ETFDH: variants seen among roughly 807,000 people sequenced by gnomAD.
The protein encoded by ETFDH is electron transfer flavoprotein-ubiquinone oxidoreductase, mitochondrial.
ETFDH carries 61 observed loss-of-function variants against 73.2 expected under a neutral mutation model. The observed-to-expected ratio is 0.83, with a 90% CI of 0.68 to 1.03. ETFDH has a LOEUF of 1.03. Among genes scored for constraint, ETFDH ranks in the 50% least tolerant of loss-of-function variants. The probability of loss-of-function intolerance (pLI) is 0.00; values close to 1 mark genes in which losing one functional copy is unlikely to be tolerated. For missense variants in ETFDH, 685 were observed against 745.0 expected (o/e 0.92, Z 0.94); for synonymous variants, 243 against 253.3 (o/e 0.96, Z 0.39).
Position 158,682,351 on chromosome 4 carries a change from C to T in ETFDH, c.332C>T (p.Ala111Val). Residue 111 changes from alanine (A) to valine (V), a missense_variant, in exon 3 of 13, where the codon GCT (alanine) becomes GTT (valine). Physicochemically the swap from Ala to Val is moderately conservative, Grantham distance 64. This residue lies in a region of ETFDH where 405 missense variants were observed against 399.3 expected (regional missense o/e 1.01). Coordinates refer to ENST00000511912, the MANE Select transcript of ETFDH (RefSeq NM_004453.4). ...CLVEKAAQIG[A>V]HTLSGACLDP... Reference sequence around the variant, plus strand: ...GTGGAGAAAGCTGCCCAGATAGGAGCTCATACTCTCTCAGGGGCTTGCCTT... The same window carrying T: ...GTGGAGAAAGCTGCCCAGATAGGAGTTCATACTCTCTCAGGGGCTTGCCTT... 1 of 1,614,098 alleles carries T rather than the reference C, an allele frequency of 6.2e-7. No homozygotes were observed. The highest frequency in any genetic ancestry group is 8.5e-7 in the Non-Finnish European group (1 of 1,180,002).
At position 158,706,205 on chromosome 4, in the gene ETFDH, A is replaced by C. The variant is rs1774605676; in HGVS notation, c.1302A>C (p.Glu434Asp). ...TAATAAAAGGACTCCATGTAACTGA[A>C]TATGAGGACAATTTGAAGAACTCAT... is the stretch of plus-strand genomic sequence containing the variant. ...QSKTIGLHVT[E>D]YEDNLKNSWV... Residue 434 changes from glutamate to aspartate, a missense_variant, in exon 11 of 13, where the codon GAA (glutamate) becomes GAC (aspartate). Coordinates refer to ENST00000511912, the MANE Select transcript of ETFDH (RefSeq NM_004453.4). 2.5e-6 allele frequency: 4 copies of C among 1,610,770 alleles called. No individual in the cohort carries two copies. The highest frequency in any genetic ancestry group is 2.5e-6 in the Non-Finnish European group (3 of 1,176,876).
At chr4:158,687,856 T>C (rs975575675) in intron 5 of ETFDH, among the ~76,000 whole-genome samples, 1 of 151,330 alleles carries the variant, frequency 6.6e-6, no homozygotes, top group African/African-American at 2.4e-5. Context: ...CTGGATAACA[T>C]GGTGAAACCC....
chr4:158,689,643 G>A (rs1774110252), intron 5 of ETFDH, among the ~76,000 whole-genome samples: 3 of 87,136 alleles, frequency 3.4e-5, no homozygotes, highest in African/African-American at 9.9e-5. Context: ...TATATTGTGG[G>A]GGGGTGGGTT....
chr4:158,708,006 G>A (rs1304041067), intron 12 of ETFDH, among the ~76,000 whole-genome samples: 1 of 152,180 alleles, frequency 6.6e-6, no homozygotes, highest in Non-Finnish European at 1.5e-5. Context: ...AATGTAAGTT[G>A]AGTACTACCT....
Position 158,684,674 on chromosome 4 carries a change from GT to G in ETFDH, c.487+2del. On this transcript the variant is annotated splice_donor_variant, in intron 4 of 12. Coordinates refer to ENST00000511912, the MANE Select transcript of ETFDH (RefSeq NM_004453.4). LOFTEE classifies it high-confidence loss of function. ...AGAATTCCTGTGCCAATTCTTCCAG[GT>G]AAGGTATAGTGAATATGCATAGAAC... 6.9e-7 allele frequency: 1 copy of G among 1,456,946 alleles called. No homozygotes were observed. The highest frequency in any genetic ancestry group is 1.1e-5 in the South Asian group (1 of 87,858). 90.3% of individuals were successfully genotyped at this position (1,456,946 alleles called of 1,614,324 possible).
chr4:158,680,099 A>AAAAAAAAAAAAAAG (rs1232971602), intron 1 of ETFDH: 2 of 152,770 alleles, frequency 1.3e-5, no homozygotes, highest in Non-Finnish European at 2.9e-5. Context: ...AAAAAAAAAA[A>AAAAAAAAAAAAAAG]AAGAAGAAGA....
intron 8 of ETFDH, 123 bp from the exon 9 acceptor site, chr4:158,698,864 C>T (rs891659682): frequency 5.8e-6 from 4 of 689,472 alleles, no homozygotes; most frequent in Non-Finnish European, 1.0e-5. Context: ...GCACATAGTG[C>T]TCCAAATACT....
At chr4:158,684,092 T>C (rs1773937335) in intron 3 of ETFDH, among the ~76,000 whole-genome samples, 1 of 151,956 alleles carries the variant, frequency 6.6e-6, no homozygotes, top group South Asian at 2.1e-4. Flanking sequence ...TGGCAAGAGG[T>C]TTATTTAGAT....
At position 158,708,883 on chromosome 4, in the gene ETFDH, T is replaced by C. The variant is rs1774716991; in HGVS notation, c.*356T>C. The C allele has an allele frequency of 1.2e-5, 3 of 250,122 alleles. No individual in the cohort carries two copies. The highest frequency in any genetic ancestry group is 9.3e-5 in the South Asian group (2 of 21,542). The allele number at this position is 250,122 out of a possible 1,614,324, so 15.5% of individuals were successfully genotyped here. On this transcript the variant is annotated 3_prime_UTR_variant, in exon 13 of 13. Coordinates refer to ENST00000511912, the MANE Select transcript of ETFDH (RefSeq NM_004453.4). ...TTTTATTGAAACACAGCCATACCCA[T>C]TGGTTACACATTGTCTATGGCTAAT...
intron 5 of ETFDH, among the ~76,000 whole-genome samples, chr4:158,690,146 C>T (rs1197340043): frequency 1.3e-5 from 2 of 152,100 alleles, no homozygotes; most frequent in Non-Finnish European, 2.9e-5. Flanking sequence ...TTTCATTTCC[C>T]ATTGTGCGAG....
In ETFDH at chr4:158,672,365, G is replaced by A. The variant is rs1319509167; in HGVS notation, c.-92G>A. On this transcript the variant is annotated 5_prime_UTR_variant, in exon 1 of 13. An upstream start codon of the reference 5' UTR is lost. Transcript: ENST00000511912. ...GAGTTCTTGCTTTCCGGCAGGTGAT[G>A]GCGCCCCCCGCGGCCTAGAGGTCCA... 5.9e-6 allele frequency: 8 copies of A among 1,344,984 alleles called. No individual in the cohort carries two copies. Among genetic ancestry groups the A allele is most frequent in the African/African-American group, 1.4e-5 (1 of 69,662 alleles). 83.3% of individuals were successfully genotyped at this position (1,344,984 alleles called of 1,614,324 possible). A position where few individuals can be genotyped will look rare whatever the true frequency, so the allele number is the denominator to read the frequency against.
chr4:158,676,114 A>G (rs1359249576), intron 1 of ETFDH, among the ~76,000 whole-genome samples: 1 of 152,208 alleles, frequency 6.6e-6, no homozygotes, highest in African/African-American at 2.4e-5. Flanking sequence ...ACAGGAGACC[A>G]TAGTTTTATT....
intron 1 of ETFDH, among the ~76,000 whole-genome samples, chr4:158,674,030 C>T (rs1280964257): frequency 1.3e-5 from 2 of 152,158 alleles, no homozygotes; most frequent in Non-Finnish European, 2.9e-5. Flanking sequence ...ATTCAGACTA[C>T]ACAGTTCCAA....
chr4:158,706,937 C>T (rs1264675358), intron 12 of ETFDH, 87 bp downstream of exon 12: 1 of 831,894 alleles, frequency 1.2e-6, no homozygotes, highest in Admixed American at 2.0e-5. Flanking sequence ...TTCTGTATCT[C>T]CTTCCATTCC....
At chr4:158,677,967 G>A (rs1773753127) in intron 1 of ETFDH, among the ~76,000 whole-genome samples, 1 of 152,130 alleles carries the variant, frequency 6.6e-6, no homozygotes, top group Admixed American at 6.6e-5. Flanking sequence ...CAAATATAGG[G>A]TTTGATCTTT....
intron 6 of ETFDH, among the ~76,000 whole-genome samples, chr4:158,691,393 TG>T (rs1176347420): frequency 1.4e-4 from 21 of 152,304 alleles, no homozygotes; most frequent in African/African-American, 4.8e-4. Flanking sequence ...GGTGCAATCT[TG>T]GCTCACTGCA....
chr4:158,679,244 C>A (rs1773784570), intron 1 of ETFDH: 1 of 151,762 alleles, frequency 6.6e-6, no homozygotes, highest in Non-Finnish European at 1.5e-5. Context: ...CTATATCTGT[C>A]AAGAGTGGTT....
chr4:158,687,117 A>ATGG (rs1218731162), intron 5 of ETFDH, among the ~76,000 whole-genome samples: 1 of 152,146 alleles, frequency 6.6e-6, no homozygotes, highest in African/African-American at 2.4e-5. Flanking sequence ...AGAGGAAACA[A>ATGG]TGGTTTCTGA....
At chr4:158,673,097 A>C (rs1365982763) in intron 1 of ETFDH, among the ~76,000 whole-genome samples, 1 of 152,180 alleles carries the variant, frequency 6.6e-6, no homozygotes, top group Non-Finnish European at 1.5e-5. Flanking sequence ...TGAGGTCAGG[A>C]GTTCAAGACC....
Sources: gnomAD v4.1 joint callset for allele counts (sites outside exome capture counted in the v4.1 genomes callset) on GRCh38, gnomAD v4.1.1 for gene constraint, gnomAD v4.1.1 regional missense constraint, MANE v1.5 for transcripts, NCBI Gene and HGNC (gene_info 2026-07-23, HGNC 2026-07-21) for gene names.